CDIN1: variants seen among roughly 807,000 people sequenced by gnomAD.
The protein encoded by CDIN1 is CDAN1 interacting nuclease 1.
In CDIN1, 33 loss-of-function variants were observed where a neutral mutation model predicts 45.3. That is an observed-to-expected ratio of 0.73 (90% confidence interval 0.55 to 0.97). The LOEUF (loss-of-function observed/expected upper bound fraction) is 0.97. Among genes scored for constraint, CDIN1 ranks in the 50% least tolerant of loss-of-function variants. The pLI is 0.00. For synonymous variants in CDIN1, 118 were observed against 124.4 expected, an observed-to-expected ratio of 0.95 and a Z score of 0.34; for missense variants, 303 against 339.4, an observed-to-expected ratio of 0.89 and a Z score of 0.84.
chr15:36,774,408 T>G (rs1221256826), intron 10 of CDIN1, among the ~76,000 whole-genome samples: 1 of 152,100 alleles, frequency 6.6e-6, no homozygotes, highest in Non-Finnish European at 1.5e-5. Flanking sequence ...ATACTAAAAT[T>G]TTAAAAGTAA....
intron 10 of CDIN1, among the ~76,000 whole-genome samples, chr15:36,796,553 G>C (rs2054806182): frequency 6.6e-6 from 1 of 152,200 alleles, no homozygotes; most frequent in Admixed American, 6.5e-5. Context: ...TCGAGTGCAG[G>C]ATGGCCTCCC....
chr15:36,693,186 A>C (rs1201417769), intron 7 of CDIN1, among the ~76,000 whole-genome samples: 1 of 152,164 alleles, frequency 6.6e-6, no homozygotes, highest in African/African-American at 2.4e-5. Flanking sequence ...TTTAATAAGA[A>C]AATCATGCCT....
intron 10 of CDIN1, among the ~76,000 whole-genome samples, chr15:36,744,048 T>G (rs1361968985): frequency 1.3e-5 from 2 of 151,962 alleles, no homozygotes; most frequent in African/African-American, 4.8e-5. Context: ...TTACTAGACC[T>G]TCATGAAATG....
intron 10 of CDIN1, among the ~76,000 whole-genome samples, chr15:36,749,335 A>G (rs919012857): frequency 1.3e-5 from 2 of 152,214 alleles, no homozygotes; most frequent in African/African-American, 4.8e-5. Context: ...ACCTAAAGCA[A>G]ACAATGTGTT....
In CDIN1 at chr15:36,710,953, C is replaced by G. The variant is rs75992352; in HGVS notation, c.716+992C>G. Among the ~76,000 whole-genome samples, 114 of 152,278 alleles carry G rather than the reference C, an allele frequency of 7.5e-4. No homozygotes were observed. In the East Asian group the frequency reaches 0.019, roughly 25 times the overall value. On this transcript the variant is annotated intron_variant, in intron 10 of 10. Transcript: ENST00000566621. ...CACTTTTTGCCATGGTAACAATGAT[C>G]ATGACAAAATGCTGAATGTAATAGC... is the stretch of plus-strand genomic sequence containing the variant.
At chr15:36,639,722 C>T (rs1220415951) in intron 1 of CDIN1, among the ~76,000 whole-genome samples, 1 of 152,172 alleles carries the variant, frequency 6.6e-6, no homozygotes, top group Non-Finnish European at 1.5e-5. Context: ...GGGTTATATG[C>T]AATACTGTGC....
chr15:36,788,289 T>C (rs1168444131), intron 10 of CDIN1, among the ~76,000 whole-genome samples: 1 of 151,528 alleles, frequency 6.6e-6, no homozygotes, highest in Non-Finnish European at 1.5e-5. Context: ...GCCAATTTTG[T>C]ATTTTTAGTA....
intron 1 of CDIN1, chr15:36,626,864 G>T (rs1887494719): frequency 4.9e-6 from 1 of 206,008 alleles, no homozygotes. Context: ...GAGCCAGCAT[G>T]GGACAATCTG....
At chr15:36,657,597 T>C (rs2040829671) in intron 4 of CDIN1, among the ~76,000 whole-genome samples, 14 of 152,164 alleles carry the variant, frequency 9.2e-5, no homozygotes, top group Admixed American at 9.2e-4. Flanking sequence ...TGTTCCATCC[T>C]TTTTGCTCCA....
chr15:36,704,988 CTTTAT>C (rs1008187056), intron 8 of CDIN1: 3 of 151,872 alleles, frequency 2.0e-5, no homozygotes, highest in African/African-American at 7.3e-5. Flanking sequence ...AAAATCAGCT[CTTTAT>C]TTTAAGAAAA....
intron 1 of CDIN1, among the ~76,000 whole-genome samples, chr15:36,583,399 G>A (rs1284076348): frequency 2.0e-5 from 3 of 152,206 alleles, no homozygotes; most frequent in Non-Finnish European, 4.4e-5. Context: ...TTCATGGCTT[G>A]TTTTGACTGA....
chr15:36,643,248 A>G (rs1012394458), intron 1 of CDIN1, among the ~76,000 whole-genome samples: 6 of 152,208 alleles, frequency 3.9e-5, no homozygotes, highest in Non-Finnish European at 7.3e-5. Flanking sequence ...GTTAGAAACC[A>G]AATTTGTAAT....
intron 1 of CDIN1, among the ~76,000 whole-genome samples, chr15:36,623,914 T>C (rs1032476886): frequency 2.0e-5 from 3 of 152,204 alleles, no homozygotes; most frequent in African/African-American, 7.2e-5. Flanking sequence ...CCTGACTGTG[T>C]CAATTTGGAG....
At chr15:36,660,636 C>A (rs1289044879) in intron 5 of CDIN1, among the ~76,000 whole-genome samples, 1 of 152,052 alleles carries the variant, frequency 6.6e-6, no homozygotes, top group Non-Finnish European at 1.5e-5. Context: ...TAAAAAGAAA[C>A]CTGAGTGGCT....
chr15:36,689,469 A>G (rs920988993), intron 5 of CDIN1, among the ~76,000 whole-genome samples: 1 of 152,176 alleles, frequency 6.6e-6, no homozygotes, highest in African/African-American at 2.4e-5. Flanking sequence ...ACTGGGGTCC[A>G]TACAGAGAAG....
intron 1 of CDIN1, among the ~76,000 whole-genome samples, chr15:36,588,671 T>C (rs1031731682): frequency 7.2e-5 from 11 of 152,056 alleles, no homozygotes; most frequent in Admixed American, 6.5e-5. Context: ...ATCTTTTACA[T>C]TTTTTTCTGT....
intron 1 of CDIN1, among the ~76,000 whole-genome samples, chr15:36,639,207 G>A (rs975674607): frequency 2.0e-5 from 3 of 152,046 alleles, no homozygotes; most frequent in Non-Finnish European, 4.4e-5. Context: ...CTCACCCTCT[G>A]TATCCATGGG....
At chr15:36,787,097 A>C (rs557684437) in intron 10 of CDIN1, among the ~76,000 whole-genome samples, 1 of 152,076 alleles carries the variant, frequency 6.6e-6, no homozygotes, top group Non-Finnish European at 1.5e-5. Flanking sequence ...CATCAGATTC[A>C]ATCTTTGTTT....
At chr15:36,691,611 A>G (rs535660710) in intron 5 of CDIN1, 74 bp from the exon 6 acceptor site, 5 of 920,564 alleles carry the variant, frequency 5.4e-6, no homozygotes, top group South Asian at 4.5e-5. Context: ...GTATATGTAG[A>G]TATATGTCAC....
Sources: allele counts gnomAD v4.1 joint callset (sites outside exome capture counted in the v4.1 genomes callset), GRCh38; gene constraint gnomAD v4.1.1; transcripts MANE v1.5; gene names NCBI Gene and HGNC (gene_info 2026-07-23, HGNC 2026-07-21).